Variants in MIDEAS observed in about 807,000 individuals in gnomAD.
MIDEAS encodes the protein mitotic deacetylase associated SANT domain protein, also known as mitotic deacetylase-associated SANT domain protein.
In MIDEAS, 26 loss-of-function variants were observed where a neutral mutation model predicts 102.7. The ratio of observed to expected loss-of-function variants is 0.25; its 90% confidence interval spans 0.19 to 0.35. The LOEUF is 0.35. Ranked by LOEUF, MIDEAS falls within the 10% of genes least tolerant of loss-of-function variation. MIDEAS has a pLI of 1.00. For missense variants in MIDEAS, 1,231 were observed against 1,435.6 expected, an observed-to-expected ratio of 0.86 and a Z score of 2.30; for synonymous variants, 585 against 591.0, an observed-to-expected ratio of 0.99 and a Z score of 0.15.
chr14:73,720,204 G>A (rs190502510), intron 11 of MIDEAS, among the ~76,000 whole-genome samples: 2 of 151,398 alleles, frequency 1.3e-5, no homozygotes, highest in East Asian at 2.0e-4. Flanking sequence ...GTTTATGGGA[G>A]CTCTGTAAGC....
chr14:73,779,567 A>ATTTTTTTT (rs1343232133), intron 1 of MIDEAS, among the ~76,000 whole-genome samples: 1 of 54,630 alleles, frequency 1.8e-5, no homozygotes, highest in African/African-American at 1.2e-4. Flanking sequence ...TATTATTATT[A>ATTTTTTTT]TTATTATTTT....
rs771907151 is a variant in MIDEAS at position 73,739,127 on chromosome 14, C to T, written c.882G>A (p.Gly294=). Residue 294 remains glycine, a synonymous_variant, in exon 2 of 13, where the codon GGG becomes GGA. Transcript: ENST00000423556. ...QPQDFGLQPA[G]PLGQSHLAHH... ...GAGCCAGGTGGGACTGTCCCAGTGG[C>T]CCAGCTGGCTGCAGGCCAAAGTCCT... is the stretch of plus-strand genomic sequence containing the variant. 2 of 1,611,288 alleles carry T rather than the reference C, an allele frequency of 1.2e-6. No homozygotes were observed. Among genetic ancestry groups the T allele is most frequent in the Non-Finnish European group, 1.7e-6 (2 of 1,178,356 alleles).
At chr14:73,756,310 G>GCA (rs1324159914) in intron 1 of MIDEAS, among the ~76,000 whole-genome samples, 1 of 151,178 alleles carries the variant, frequency 6.6e-6, no homozygotes, top group African/African-American at 2.4e-5. Context: ...GCGCGCGTGC[G>GCA]CGCTGAGGTG....
chr14:73,719,467 G>A lies in MIDEAS; in HGVS notation c.2972C>T (p.Ser991Phe). 1 of 1,613,998 alleles carries A rather than the reference G, an allele frequency of 6.2e-7. No homozygotes were observed. The highest frequency in any genetic ancestry group is 8.5e-7 in the Non-Finnish European group (1 of 1,180,000). ...SDILILRSHE[S>F]NAPGSAGGQA... ...GCCACCGGCAGACCCAGGGGCGTTG[G>A]ACTCGTGGCTCCGGAGGATGAGGAT... Residue 991 changes from serine (S) to phenylalanine (F), a missense_variant, in exon 12 of 13, where the codon TCC becomes TTC. By Grantham distance (155) the Ser-to-Phe change is radical. Transcript: ENST00000423556.
intron 3 of MIDEAS, among the ~76,000 whole-genome samples, chr14:73,736,722 T>C (rs1303596965): frequency 1.3e-5 from 2 of 151,912 alleles, no homozygotes; most frequent in African/African-American, 2.4e-5. Context: ...AAATCAGAAT[T>C]TGCTGATCTG....
chr14:73,746,180 T>G (rs1595275525), intron 1 of MIDEAS, among the ~76,000 whole-genome samples: 1 of 152,152 alleles, frequency 6.6e-6, no homozygotes, highest in East Asian at 1.9e-4. Flanking sequence ...CTTGATTGCC[T>G]CCCTCCCCCA....
intron 4 of MIDEAS, 82 bp downstream of exon 4, chr14:73,729,558 C>T: frequency 8.6e-7 from 1 of 1,162,938 alleles, no homozygotes; most frequent in East Asian, 2.5e-5. Flanking sequence ...GCCCAATCCC[C>T]AGCAGCCCCA....
chr14:73,752,394 T>C (rs1185573918), intron 1 of MIDEAS, among the ~76,000 whole-genome samples: 1 of 152,058 alleles, frequency 6.6e-6, no homozygotes, highest in Non-Finnish European at 1.5e-5. Flanking sequence ...GGGTGTAGCA[T>C]GTGTGTCAAG....
chr14:73,756,214 C>T (rs1220456651), intron 1 of MIDEAS, among the ~76,000 whole-genome samples: 1 of 151,982 alleles, frequency 6.6e-6, no homozygotes, highest in Non-Finnish European at 1.5e-5. Flanking sequence ...AGAATCTGAA[C>T]TGATGCTCCA....
rs767109475 is a variant in MIDEAS, at chr14:73,726,585, G to A, written c.2409+19C>T. The A allele has an allele frequency of 6.2e-7, 1 of 1,611,672 alleles. No individual in the cohort carries two copies. Among genetic ancestry groups the A allele is most frequent in the South Asian group, 1.1e-5 (1 of 91,004 alleles). ...GCCCCCACTGAGGGGCCCTCCCTCTGCTGGGGTTGCCTTCTCACCAGGATG... is the reference window on the plus strand; with the variant it reads ...GCCCCCACTGAGGGGCCCTCCCTCTACTGGGGTTGCCTTCTCACCAGGATG... On this transcript the variant is annotated intron_variant, in intron 7 of 12. Coordinates refer to ENST00000423556, the MANE Select transcript of MIDEAS (RefSeq NM_001367710.1).
rs764708406 is a variant in MIDEAS, at chr14:73,718,863, CG to C, written c.3279del (p.Ser1093ArgfsTer56). ...CGCGCTCAGCCCTTGTCGCCCGCACCGCTCTCCTCCCGCAGGGCCTGCTGGT... is the reference window on the plus strand; with the variant it reads ...CGCGCTCAGCCCTTGTCGCCCGCACCCTCTCCTCCCGCAGGGCCTGCTGGT... ...AAHQQALREESGAGDKG is the reference protein window; with the variant it reads ...AAHQQALREEXGAGDKG On this transcript the variant is annotated frameshift_variant, in exon 13 of 13. Transcript: ENST00000423556. LOFTEE classifies it high-confidence loss of function. 1.3e-6 allele frequency: 2 copies of C among 1,501,824 alleles called. No homozygotes were observed. Among genetic ancestry groups the C allele is most frequent in the Non-Finnish European group, 1.8e-6 (2 of 1,132,376 alleles). The allele number at this position is 1,501,824 out of a possible 1,614,324, so 93.0% of individuals were successfully genotyped here.
At position 73,715,421 on chromosome 14, in the gene MIDEAS, G is replaced by A. The variant is rs983064267; in HGVS notation, c.*3422C>T. 2.6e-5 allele frequency: 4 copies of A among 152,554 alleles called. No individual in the cohort carries two copies. Among genetic ancestry groups the A allele is most frequent in the South Asian group, 2.1e-4 (1 of 4,830 alleles). 9.5% of individuals were successfully genotyped at this position (152,554 alleles called of 1,614,324 possible). ...GATCATTTTTGTTTCAAAATAAAAG[G>A]AATATACTTATTTATATGCTATTAA... On this transcript the variant is annotated 3_prime_UTR_variant, in exon 13 of 13. Transcript: ENST00000423556.
chr14:73,733,892 A>G (rs2053169665), intron 3 of MIDEAS, among the ~76,000 whole-genome samples: 1 of 151,896 alleles, frequency 6.6e-6, no homozygotes, highest in African/African-American at 2.4e-5. Context: ...ACGGGGTTTC[A>G]CTATGTTGGC....
Position 73,739,216 on chromosome 14 carries a change from G to C in MIDEAS, c.793C>G (p.Leu265Val). The change falls in exon 2 of 13, where the codon CTA becomes GTA. Residue 265 changes from leucine (L) to valine (V), a missense_variant. This residue lies in a region of MIDEAS where 758 missense variants were observed against 856.0 expected (regional missense o/e 0.89). Coordinates refer to ENST00000423556, the MANE Select transcript of MIDEAS (RefSeq NM_001367710.1). ...QQQQQQQQAA[L>V]PQMPLFENFY... The stretch of plus-strand genomic sequence containing the variant: ...TTCTCAAAGAGCGGCATCTGGGGTA[G>C]GGCTGCCTGCTGCTGCTGCTGCTGC... 1 of 1,613,622 alleles carries C rather than the reference G, an allele frequency of 6.2e-7. No homozygotes were observed. The highest frequency in any genetic ancestry group is 1.1e-5 in the South Asian group (1 of 91,072).
At chr14:73,737,510 C>CTACTTGGGACCACA (rs2053218170) in intron 2 of MIDEAS, among the ~76,000 whole-genome samples, 1 of 152,068 alleles carries the variant, frequency 6.6e-6, no homozygotes, top group Non-Finnish European at 1.5e-5. Flanking sequence ...CCTGTGGTCC[C>CTACTTGGGACCACA]AGCTACTTGG....
chr14:73,771,754 T>C (rs2053644257), intron 1 of MIDEAS, among the ~76,000 whole-genome samples: 1 of 152,230 alleles, frequency 6.6e-6, no homozygotes, highest in Non-Finnish European at 1.5e-5. Flanking sequence ...TGGATGGATG[T>C]GGCTAGCATT....
chr14:73,723,193 GGAGTGCAGT>G (rs1425172174), intron 9 of MIDEAS: 2 of 167,554 alleles, frequency 1.2e-5, no homozygotes, highest in Non-Finnish European at 2.6e-5. Context: ...CACTCAGGCT[GGAGTGCAGT>G]GACGCGATTT....
At chr14:73,743,348 G>A (rs901738178) in intron 1 of MIDEAS, among the ~76,000 whole-genome samples, 26 of 152,196 alleles carry the variant, frequency 1.7e-4, no homozygotes, top group African/African-American at 5.1e-4. Context: ...AGGGAGAGCA[G>A]GAAAAGGTCT....
At chr14:73,769,935 C>A (rs1234692191) in intron 1 of MIDEAS, among the ~76,000 whole-genome samples, 1 of 125,590 alleles carries the variant, frequency 8.0e-6, no homozygotes, top group African/African-American at 3.4e-5. Flanking sequence ...TTAATTTTTG[C>A]GGGTATATTG....
Sources: allele counts gnomAD v4.1 joint callset (sites outside exome capture counted in the v4.1 genomes callset), GRCh38; gene constraint gnomAD v4.1.1; regional missense constraint gnomAD v4.1.1; transcripts MANE v1.5; gene names NCBI Gene and HGNC (gene_info 2026-07-23, HGNC 2026-07-21).